The following LCLAT1 variants were observed in gnomAD, a reference collection of about 807,000 sequenced individuals.
The protein encoded by LCLAT1 is lysocardiolipin acyltransferase 1.
LCLAT1 carries 11 observed loss-of-function variants against 30.7 expected under a neutral mutation model. The observed-to-expected ratio is 0.36, with a 90% CI of 0.23 to 0.59. The LOEUF is 0.59. Ranked by LOEUF, LCLAT1 falls within the 20% of genes least tolerant of loss-of-function variation. LCLAT1 has a pLI of 0.77. For synonymous variants in LCLAT1, 155 were observed against 151.3 expected (o/e 1.02, Z -0.18); for missense variants, 402 against 458.6 (o/e 0.88, Z 1.13).
intron 3 of LCLAT1, among the ~76,000 whole-genome samples, chr2:30,552,177 C>T (rs772346808): frequency 4.6e-5 from 7 of 152,276 alleles, no homozygotes; most frequent in African/African-American, 9.6e-5. Context: ...GATAATAGCT[C>T]ATTTAGAAAA....
At chr2:30,602,866 A>G (rs2148493429) in intron 5 of LCLAT1, among the ~76,000 whole-genome samples, 1 of 152,252 alleles carries the variant, frequency 6.6e-6, no homozygotes, top group South Asian at 2.1e-4. Context: ...ATACATATAC[A>G]TTTAGACAAA....
intron 3 of LCLAT1, among the ~76,000 whole-genome samples, chr2:30,556,905 C>T (rs903827704): frequency 5.9e-5 from 9 of 152,066 alleles, no homozygotes; most frequent in South Asian, 2.1e-4. Flanking sequence ...CCACCACGCC[C>T]GGCTAATTTT....
chr2:30,534,495 G>T (rs977669964), intron 3 of LCLAT1, among the ~76,000 whole-genome samples: 1 of 152,134 alleles, frequency 6.6e-6, no homozygotes, highest in Non-Finnish European at 1.5e-5. Context: ...AGCCAGGATG[G>T]TCTTGATCTC....
At chr2:30,539,286 A>C (rs1572595186) in intron 3 of LCLAT1, among the ~76,000 whole-genome samples, 20 of 113,574 alleles carry the variant, frequency 1.8e-4, no homozygotes, top group East Asian at 5.1e-4. Context: ...ACAGGGTCTC[A>C]CTCTCACACA....
At chr2:30,518,907 C>T (rs1685330916) in intron 1 of LCLAT1, among the ~76,000 whole-genome samples, 1 of 152,226 alleles carries the variant, frequency 6.6e-6, no homozygotes, top group African/African-American at 2.4e-5. Flanking sequence ...AGTCAGTTCT[C>T]ATACTTGGAC....
chr2:30,605,025 A>C (rs1433599834), intron 5 of LCLAT1, among the ~76,000 whole-genome samples: 1 of 152,244 alleles, frequency 6.6e-6, no homozygotes, highest in Non-Finnish European at 1.5e-5. Context: ...CATTACATGG[A>C]CCTGTAACAC....
intron 5 of LCLAT1, among the ~76,000 whole-genome samples, chr2:30,570,386 G>A (rs986765085): frequency 6.6e-6 from 1 of 152,118 alleles, no homozygotes; most frequent in Non-Finnish European, 1.5e-5. Context: ...AATATGATGA[G>A]GATAACTATA....
intron 1 of LCLAT1, among the ~76,000 whole-genome samples, chr2:30,480,173 G>A (rs1426226934): frequency 6.6e-6 from 1 of 152,120 alleles, no homozygotes; most frequent in Non-Finnish European, 1.5e-5. Flanking sequence ...AGTAGCAAAA[G>A]GGCCAAAGAC....
At chr2:30,541,269 G>A (rs1051505707) in intron 3 of LCLAT1, among the ~76,000 whole-genome samples, 1 of 152,164 alleles carries the variant, frequency 6.6e-6, no homozygotes, top group African/African-American at 2.4e-5. Flanking sequence ...AGCTAGGAGA[G>A]CTGGGCATGG....
At chr2:30,460,034 C>A (rs191268829) in intron 1 of LCLAT1, among the ~76,000 whole-genome samples, 2 of 152,090 alleles carry the variant, frequency 1.3e-5, no homozygotes, top group African/African-American at 2.4e-5. Context: ...TGTTTAGAGT[C>A]GAAAATATTA....
At chr2:30,581,715 C>T (rs978413544) in intron 5 of LCLAT1, among the ~76,000 whole-genome samples, 1 of 152,060 alleles carries the variant, frequency 6.6e-6, no homozygotes, top group African/African-American at 2.4e-5. Flanking sequence ...AAGTTGATCT[C>T]ATAGGAGTAG....
At chr2:30,511,841 A>G (rs1179698349) in intron 1 of LCLAT1, among the ~76,000 whole-genome samples, 1 of 152,244 alleles carries the variant, frequency 6.6e-6, no homozygotes, top group East Asian at 1.9e-4. Context: ...AAGGGAATCT[A>G]GGAATCCACC....
At chr2:30,541,961 C>T (rs1013832867) in intron 3 of LCLAT1, among the ~76,000 whole-genome samples, 1 of 152,128 alleles carries the variant, frequency 6.6e-6, no homozygotes, top group Non-Finnish European at 1.5e-5. Flanking sequence ...TTTCATTTCT[C>T]TTAAGACTAG....
chr2:30,524,664 C>T (rs1401930306), intron 1 of LCLAT1, among the ~76,000 whole-genome samples: 3 of 152,200 alleles, frequency 2.0e-5, no homozygotes, highest in Non-Finnish European at 2.9e-5. Flanking sequence ...ATGCTACCTG[C>T]CTCTTAGTCC....
intron 5 of LCLAT1, among the ~76,000 whole-genome samples, chr2:30,634,339 C>T (rs1668917425): frequency 6.6e-6 from 1 of 152,100 alleles, no homozygotes; most frequent in Non-Finnish European, 1.5e-5. Context: ...TAATTTAAAC[C>T]ATCTGGCCAT....
At chr2:30,593,672 C>G (rs1666794166) in intron 5 of LCLAT1, among the ~76,000 whole-genome samples, 1 of 152,044 alleles carries the variant, frequency 6.6e-6, no homozygotes, top group Non-Finnish European at 1.5e-5. Context: ...ATAAACTATA[C>G]TTGAAGTAAG....
At chr2:30,494,220 C>T in intron 1 of LCLAT1, among the ~76,000 whole-genome samples, 1 of 151,984 alleles carries the variant, frequency 6.6e-6, no homozygotes, top group East Asian at 1.9e-4. Context: ...GAGACCCTGT[C>T]TTAAAACCAA....
intron 1 of LCLAT1, among the ~76,000 whole-genome samples, chr2:30,500,385 T>C (rs829667): frequency 0.94 from 143,868 of 152,264 alleles, 68,118 homozygotes; most frequent in East Asian, 1. Flanking sequence ...ATCTGTGGCT[T>C]TACCTCATTG....
chr2:30,515,915 G>A (rs1169651428), intron 1 of LCLAT1, among the ~76,000 whole-genome samples: 1 of 152,056 alleles, frequency 6.6e-6, no homozygotes, highest in Admixed American at 6.6e-5. Context: ...CCAAGTTTTG[G>A]TGTGCTATAC....
Sources: gnomAD v4.1 joint callset for allele counts (sites outside exome capture counted in the v4.1 genomes callset) on GRCh38, gnomAD v4.1.1 for gene constraint, MANE v1.5 for transcripts, NCBI Gene and HGNC (gene_info 2026-07-23, HGNC 2026-07-21) for gene names.